Variants in NME8 observed in about 807,000 individuals in gnomAD.
NME8 encodes NME/NM23 family member 8, also known as protein NME8.
In NME8, 72 loss-of-function variants were observed where a neutral mutation model predicts 82.3. The observed-to-expected ratio is 0.87, with a 90% CI of 0.72 to 1.06. The LOEUF (loss-of-function observed/expected upper bound fraction) is 1.06, where lower values mean the gene tolerates loss of function less well. NME8 is among the 50% of genes least tolerant of loss of function. The probability of loss-of-function intolerance (pLI) is 0.00; values close to 1 mark genes in which losing one functional copy is unlikely to be tolerated. For missense variants in NME8, 712 were observed against 685.4 expected (o/e 1.04, Z -0.43); for synonymous variants, 267 against 228.5 (o/e 1.17, Z -1.52).
chr7:37,896,710 G>A (rs1354123332), intron 16 of NME8, 160 bp from the exon 17 acceptor site: 2 of 659,882 alleles, frequency 3.0e-6, no homozygotes, highest in Non-Finnish European at 5.4e-6. Flanking sequence ...CCTATTAGAA[G>A]AGGGAGAAAT....
chr7:37,886,018 A>G (rs1785034706), intron 14 of NME8, among the ~76,000 whole-genome samples: 2 of 152,198 alleles, frequency 1.3e-5, no homozygotes, highest in South Asian at 2.1e-4. Flanking sequence ...ACAATAAATA[A>G]CAATAGTTAT....
chr7:37,854,603 A>C (rs1283745901), intron 5 of NME8, among the ~76,000 whole-genome samples: 1 of 152,204 alleles, frequency 6.6e-6, no homozygotes, highest in African/African-American at 2.4e-5. Flanking sequence ...AGTCAAAAGC[A>C]GTCTTGAATA....
intron 12 of NME8, among the ~76,000 whole-genome samples, chr7:37,880,198 T>G (rs1784921363): frequency 1.3e-5 from 2 of 152,332 alleles, no homozygotes; most frequent in South Asian, 4.1e-4. Flanking sequence ...AAGTCTTTAT[T>G]TTTAATTTAG....
chr7:37,871,260 C>T (rs545855629), intron 11 of NME8, among the ~76,000 whole-genome samples: 7 of 152,218 alleles, frequency 4.6e-5, no homozygotes, highest in Non-Finnish European at 1.0e-4. Flanking sequence ...TCCATGCCAT[C>T]GATGGTCTGC....
At chr7:37,885,072 T>C in intron 13 of NME8, 73 bp from the exon 14 acceptor site, 1 of 866,452 alleles carries the variant, frequency 1.2e-6, no homozygotes, top group Non-Finnish European at 1.9e-6. Context: ...CAATATGCAT[T>C]TGTATTGCCT....
rs1312457682 is a variant in NME8, at chr7:37,850,303, G to A, written c.33+4G>A. ...AAAACGAGAAGTCCAGTTACAGGTG[G>A]GTCTGACATATCAACAATTCTTTAT... is the stretch of plus-strand genomic sequence containing the variant. On this transcript the variant is annotated splice_donor_region_variant and intron_variant, in intron 3 of 17. Coordinates refer to ENST00000199447, the MANE Select transcript of NME8 (RefSeq NM_016616.5). The A allele has an allele frequency of 6.2e-7, 1 of 1,614,084 alleles. No homozygotes were observed.
chr7:37,898,270 G>A (rs1785260456), intron 17 of NME8, among the ~76,000 whole-genome samples: 1 of 152,180 alleles, frequency 6.6e-6, no homozygotes, highest in African/African-American at 2.4e-5. Context: ...ACCTTGGGCT[G>A]GTGGGAATAT....
intron 11 of NME8, among the ~76,000 whole-genome samples, chr7:37,876,373 C>G (rs1237580778): frequency 1.3e-5 from 2 of 151,204 alleles, no homozygotes; most frequent in Non-Finnish European, 2.9e-5. Flanking sequence ...AAAATTTTAC[C>G]ACATATATTT....
Position 37,885,267 on chromosome 7 carries a change from A to G in NME8, c.1247+15A>G, listed in dbSNP as rs555931824. 2.1e-5 allele frequency: 31 copies of G among 1,510,166 alleles called. 1 individual carries two copies. Among genetic ancestry groups the G allele is most frequent in the South Asian group, 1.8e-4 (16 of 88,792 alleles). 93.5% of individuals were successfully genotyped at this position (1,510,166 alleles called of 1,614,324 possible). ...TTTCCAGAGAGGTAGGATTCATACC[A>G]TGGGTCACTATCTGTTTTCGTGGGC... On this transcript the variant is annotated intron_variant, in intron 14 of 17. Coordinates refer to ENST00000199447, the MANE Select transcript of NME8 (RefSeq NM_016616.5).
chr7:37,874,162 G>GA (rs894249866), intron 11 of NME8, among the ~76,000 whole-genome samples: 8 of 151,640 alleles, frequency 5.3e-5, no homozygotes, highest in Middle Eastern at 3.4e-3. Flanking sequence ...AATATGGGAG[G>GA]AAAAAAAAGA....
chr7:37,869,489 G>C (rs761550382), intron 11 of NME8, among the ~76,000 whole-genome samples: 1 of 152,118 alleles, frequency 6.6e-6, no homozygotes, highest in Non-Finnish European at 1.5e-5. Context: ...CTATTGTTTA[G>C]GTAGTAAACC....
intron 15 of NME8, among the ~76,000 whole-genome samples, chr7:37,890,825 C>A (rs1785119413): frequency 6.6e-6 from 1 of 151,916 alleles, no homozygotes; most frequent in African/African-American, 2.4e-5. Flanking sequence ...ATTCATCCAT[C>A]AATTTTTGTT....
intron 15 of NME8, among the ~76,000 whole-genome samples, chr7:37,892,075 C>G (rs1039654071): frequency 6.6e-6 from 1 of 151,692 alleles, no homozygotes; most frequent in Admixed American, 6.6e-5. Flanking sequence ...TTCTTGTTTC[C>G]TGCATTTCTT....
chr7:37,888,422 CAA>C lies in NME8; in HGVS notation c.1395_1396del (p.Glu467AlafsTer7), dbSNP rs758258274. On this transcript the variant is annotated frameshift_variant, in exon 15 of 18. Transcript: ENST00000199447. LOFTEE classifies it high-confidence loss of function. ...GATTAAACCTCATGCAACAAGTGAACAAAGAGGTAAATATTTAAGAATAAAAG... is the reference window on the plus strand; with the variant it reads ...GATTAAACCTCATGCAACAAGTGAACAGAGGTAAATATTTAAGAATAAAAG... ...GLIKPHATSE[Q>X]REQILKIVKE... The C allele has an allele frequency of 1.2e-5, 19 of 1,612,034 alleles. No individual in the cohort carries two copies. Among genetic ancestry groups the C allele is most frequent in the Non-Finnish European group, 1.6e-5 (19 of 1,178,860 alleles).
chr7:37,859,583 T>G (rs1784568407), intron 6 of NME8, among the ~76,000 whole-genome samples: 3 of 152,232 alleles, frequency 2.0e-5, no homozygotes, highest in African/African-American at 7.2e-5. Flanking sequence ...CTTTCTTTTC[T>G]TTGCTATTAC....
In NME8 at chr7:37,888,276, G is replaced by A; in HGVS notation, c.1248-1G>A. On this transcript the variant is annotated splice_acceptor_variant, in intron 14 of 17. Coordinates refer to ENST00000199447, the MANE Select transcript of NME8 (RefSeq NM_016616.5). LOFTEE classifies it high-confidence loss of function. The stretch of plus-strand genomic sequence containing the variant: ...TTTTAAACCTGACTTCTTTTTCAAA[G>A]TTTATGTGCACAGTTTGCGATGGAC... The A allele has an allele frequency of 1.2e-6, 2 of 1,613,338 alleles. No individual in the cohort carries two copies. Among genetic ancestry groups the A allele is most frequent in the Non-Finnish European group, 1.7e-6 (2 of 1,179,522 alleles).
intron 5 of NME8, among the ~76,000 whole-genome samples, chr7:37,852,136 G>A (rs969478770): frequency 6.6e-6 from 1 of 151,900 alleles, no homozygotes; most frequent in Non-Finnish European, 1.5e-5. Context: ...CTGAAATAAG[G>A]ACTTTGTAAG....
chr7:37,886,872 A>AC (rs397711723), intron 14 of NME8, among the ~76,000 whole-genome samples: 10 of 151,722 alleles, frequency 6.6e-5, no homozygotes, highest in African/African-American at 2.2e-4. Context: ...CAAAAAAAAA[A>AC]CAAAAACAAA....
At chr7:37,861,540 G>C (rs1490711713) in intron 6 of NME8, among the ~76,000 whole-genome samples, 2 of 151,914 alleles carry the variant, frequency 1.3e-5, no homozygotes, top group Non-Finnish European at 2.9e-5. Context: ...TTTTATGTAG[G>C]GCTTTTTAAA....
Sources: allele counts gnomAD v4.1 joint callset (sites outside exome capture counted in the v4.1 genomes callset), GRCh38; gene constraint gnomAD v4.1.1; transcripts MANE v1.5; gene names NCBI Gene and HGNC (gene_info 2026-07-23, HGNC 2026-07-21).